The following CAMTA1 variants were observed in gnomAD, a reference collection of about 807,000 sequenced individuals.
CAMTA1 encodes calmodulin binding transcription activator 1.
In CAMTA1, 27 loss-of-function variants were observed where a neutral mutation model predicts 170.9. The observed-to-expected ratio is 0.16, with a 90% CI of 0.12 to 0.22. The LOEUF is 0.22. CAMTA1 is among the 10% of genes least tolerant of loss of function. The pLI is 1.00. For missense variants in CAMTA1, 1,619 were observed against 2,217.2 expected (o/e 0.73, Z 5.42); for synonymous variants, 833 against 891.5 (o/e 0.93, Z 1.17).
chr1:7,531,680 C>T (rs1458451557), intron 6 of CAMTA1, among the ~76,000 whole-genome samples: 1 of 152,250 alleles, frequency 6.6e-6, no homozygotes, highest in Non-Finnish European at 1.5e-5. Context: ...CTCCCAGCCC[C>T]TCCCTCTACC....
At chr1:7,059,997 G>T (rs554311019) in intron 3 of CAMTA1, among the ~76,000 whole-genome samples, 1 of 152,156 alleles carries the variant, frequency 6.6e-6, no homozygotes, top group African/African-American at 2.4e-5. Context: ...CTGGGCAGCC[G>T]CCACAGCTGC....
chr1:7,609,346 T>C lies in CAMTA1; in HGVS notation c.511-31054T>C. Among the ~76,000 whole-genome samples the C allele has an allele frequency of 6.6e-6, 1 of 152,214 alleles. No individual in the cohort carries two copies. The highest frequency in any genetic ancestry group is 2.4e-5 in the African/African-American group (1 of 41,462). On this transcript the variant is annotated intron_variant, in intron 6 of 22. Transcript: ENST00000303635. This position sits in a 1 kb window ranked among gnomAD's most constrained non-coding sequence, Gnocchi z 4.4. The stretch of plus-strand genomic sequence containing the variant: ...TCATGTTTACCCATCAGACGCTGTT[T>C]TCCTGACACTCAACACTCAAAATAA...
Position 7,585,495 on chromosome 1 carries a change from C to T in CAMTA1, c.511-54905C>T, listed in dbSNP as rs184042743. On this transcript the variant is annotated intron_variant, in intron 6 of 22. Transcript: ENST00000303635. The surrounding 1 kb of genome is among the most constrained non-coding windows in gnomAD (Gnocchi z 4.8). ...CTCCAGTGGGTTCCCATAGGAGTGACGAGGCTACAGAGGTGACCAGGACCA... is the reference window on the plus strand; with the variant it reads ...CTCCAGTGGGTTCCCATAGGAGTGATGAGGCTACAGAGGTGACCAGGACCA... 2.0e-5 allele frequency among the ~76,000 whole-genome samples: 3 copies of T among 152,204 alleles called. No homozygotes were observed. Among genetic ancestry groups the T allele is most frequent in the Admixed American group, 6.5e-5 (1 of 15,304 alleles).
At chr1:7,470,708 A>G (rs1359402256) in intron 6 of CAMTA1, among the ~76,000 whole-genome samples, 1 of 152,184 alleles carries the variant, frequency 6.6e-6, no homozygotes, top group Non-Finnish European at 1.5e-5. Flanking sequence ...TGCTTCTGGA[A>G]AAAGGAGACT....
intron 3 of CAMTA1, among the ~76,000 whole-genome samples, chr1:6,870,807 TAAACCAGGG>T (rs1668196154): frequency 6.6e-6 from 1 of 152,206 alleles, no homozygotes; most frequent in South Asian, 2.1e-4. Context: ...TTTGGATCCC[TAAACCAGGG>T]AGCATATAGC....
chr1:7,622,095 G>C (rs1299821182), intron 6 of CAMTA1, among the ~76,000 whole-genome samples: 2 of 152,196 alleles, frequency 1.3e-5, no homozygotes, highest in East Asian at 1.9e-4. Flanking sequence ...CTGGAGGTAT[G>C]GGGGGAGGAG....
chr1:7,404,682 A>G (rs1164521495), intron 5 of CAMTA1, among the ~76,000 whole-genome samples: 1 of 152,090 alleles, frequency 6.6e-6, no homozygotes, highest in Non-Finnish European at 1.5e-5. Context: ...AGGGCTTCCT[A>G]TAGGAAGCCA....
At chr1:7,610,764 C>T (rs1489097831) in intron 6 of CAMTA1, among the ~76,000 whole-genome samples, 1 of 152,222 alleles carries the variant, frequency 6.6e-6, no homozygotes, top group Non-Finnish European at 1.5e-5. Flanking sequence ...CCCTAAATGG[C>T]CTGGGAGCCC....
chr1:7,179,318 T>C (rs774439792), intron 4 of CAMTA1, among the ~76,000 whole-genome samples: 1 of 151,866 alleles, frequency 6.6e-6, no homozygotes, highest in Non-Finnish European at 1.5e-5. Context: ...CCACTAATAA[T>C]GGGAAAATTT....
chr1:7,413,158 G>A (rs11120915), intron 5 of CAMTA1, among the ~76,000 whole-genome samples: 54,595 of 150,872 alleles, frequency 0.36, 9,945 homozygotes, highest in Middle Eastern at 0.62. Flanking sequence ...GGTTACTGTA[G>A]CCTTGTAGTA....
At chr1:6,987,776 G>T (rs540385097) in intron 3 of CAMTA1, among the ~76,000 whole-genome samples, 1 of 152,290 alleles carries the variant, frequency 6.6e-6, no homozygotes, top group South Asian at 2.1e-4. Flanking sequence ...GGAAAGGGCC[G>T]CTTTGCTTTT....
chr1:6,836,621 A>G (rs757043387), intron 3 of CAMTA1, among the ~76,000 whole-genome samples: 6 of 152,138 alleles, frequency 3.9e-5, no homozygotes, highest in Non-Finnish European at 8.8e-5. Flanking sequence ...GCGTATGTGC[A>G]TGCATGTGCA....
intron 3 of CAMTA1, among the ~76,000 whole-genome samples, chr1:7,027,841 T>G (rs748868490): frequency 6.6e-6 from 1 of 152,182 alleles, no homozygotes; most frequent in Non-Finnish European, 1.5e-5. Flanking sequence ...ATTTGTTCCC[T>G]TCAGTAGTAA....
At chr1:7,218,635 A>G (rs181067356) in intron 4 of CAMTA1, among the ~76,000 whole-genome samples, 116 of 152,234 alleles carry the variant, frequency 7.6e-4, no homozygotes, top group African/African-American at 2.6e-3. Flanking sequence ...ATTCTGGTCT[A>G]TCTGGATTCA....
At chr1:7,558,538 T>C (rs1360279180) in intron 6 of CAMTA1, among the ~76,000 whole-genome samples, 1 of 152,264 alleles carries the variant, frequency 6.6e-6, no homozygotes, top group Non-Finnish European at 1.5e-5. Flanking sequence ...GACCCACTGT[T>C]GTTCCTTCCA....
intron 5 of CAMTA1, among the ~76,000 whole-genome samples, chr1:7,394,566 A>G (rs998302651): frequency 6.6e-6 from 1 of 152,126 alleles, no homozygotes; most frequent in African/African-American, 2.4e-5. Flanking sequence ...GAGTTATTTG[A>G]GTTCCTTATA....
intron 6 of CAMTA1, among the ~76,000 whole-genome samples, chr1:7,541,168 C>CT (rs2094607251): frequency 6.6e-6 from 1 of 152,244 alleles, no homozygotes; most frequent in Admixed American, 6.5e-5. Context: ...TCCCTCCCTT[C>CT]CTTTCTGGTT....
chr1:6,892,154 G>A (rs1674640597), intron 3 of CAMTA1, among the ~76,000 whole-genome samples: 1 of 152,218 alleles, frequency 6.6e-6, no homozygotes, highest in South Asian at 2.1e-4. Flanking sequence ...AAGTCTAGTA[G>A]ACAATTTTCA....
intron 5 of CAMTA1, among the ~76,000 whole-genome samples, chr1:7,379,271 A>C (rs1411460247): frequency 6.6e-6 from 1 of 152,208 alleles, no homozygotes; most frequent in Non-Finnish European, 1.5e-5. Flanking sequence ...AGCTTTCAAA[A>C]ATAGTTGATT....
Sources: gnomAD v4.1 joint callset for allele counts (sites outside exome capture counted in the v4.1 genomes callset) on GRCh38, gnomAD v4.1.1 for gene constraint, Gnocchi (gnomAD v3.1) non-coding constraint, MANE v1.5 for transcripts, NCBI Gene and HGNC (gene_info 2026-07-23, HGNC 2026-07-21) for gene names.